The following TNRC6B variants were observed in gnomAD, a reference collection of about 807,000 sequenced individuals.
TNRC6B encodes trinucleotide repeat-containing gene 6B protein.
A neutral mutation model predicts 203.6 loss-of-function variants in TNRC6B; 52 were observed. The ratio of observed to expected loss-of-function variants is 0.26; its 90% CI spans 0.20 to 0.32. TNRC6B has a LOEUF of 0.32. TNRC6B is among the 10% of genes least tolerant of loss of function. The pLI is 1.00. For synonymous variants in TNRC6B, 838 were observed against 845.7 expected (o/e 0.99, Z 0.16); for missense variants, 1,923 against 2,286.2 (o/e 0.84, Z 3.24).
chr22:40,293,487 C>T (rs2070896733), intron 12 of TNRC6B, among the ~76,000 whole-genome samples: 1 of 151,982 alleles, frequency 6.6e-6, no homozygotes, highest in Non-Finnish European at 1.5e-5. Flanking sequence ...GCCACCGTGC[C>T]TGGCCTGCTA....
At chr22:40,296,866 G>A (rs1006262570) in intron 12 of TNRC6B, among the ~76,000 whole-genome samples, 1 of 152,158 alleles carries the variant, frequency 6.6e-6, no homozygotes, top group African/African-American at 2.4e-5. Context: ...GGCCTCAAGT[G>A]ATCTCCGCCC....
intron 1 of TNRC6B, among the ~76,000 whole-genome samples, chr22:40,181,749 G>A (rs900916356): frequency 2.0e-5 from 3 of 151,802 alleles, no homozygotes; most frequent in Non-Finnish European, 4.4e-5. Flanking sequence ...AGACCAGCCT[G>A]GGCAACATGG....
intron 1 of TNRC6B, among the ~76,000 whole-genome samples, chr22:40,241,833 G>C (rs2070032882): frequency 6.6e-6 from 1 of 152,098 alleles, no homozygotes; most frequent in South Asian, 2.1e-4. Flanking sequence ...GTATGAACTT[G>C]TGTTTTCCTA....
At chr22:40,283,394 C>T (rs1371741995) in intron 11 of TNRC6B, among the ~76,000 whole-genome samples, 1 of 152,038 alleles carries the variant, frequency 6.6e-6, no homozygotes, top group Non-Finnish European at 1.5e-5. Context: ...AGGTTGGTCT[C>T]GAACTCCTAG....
chr22:40,083,372 T>C (rs1264208941), intron 1 of TNRC6B, among the ~76,000 whole-genome samples: 2 of 152,144 alleles, frequency 1.3e-5, no homozygotes, highest in Non-Finnish European at 2.9e-5. Flanking sequence ...GAACTATTCA[T>C]TGGATTGGCA....
In TNRC6B at chr22:40,262,124, C is replaced by T. The variant is rs781599513; in HGVS notation, c.408C>T (p.Asn136=). 44 of 1,497,684 alleles carry T rather than the reference C, an allele frequency of 2.9e-5. No individual in the cohort carries two copies. The highest frequency in any genetic ancestry group is 5.5e-5 in the African/African-American group (4 of 73,218). The allele number at this position is 1,497,684 out of a possible 1,614,324, so 92.8% of individuals were successfully genotyped here. ...CAGCACCTGGAGCAAACCCAAACAA[C>T]GCACAAGTGACAGGAGCGCTGCTGC... ...PCTAPGANPN[N]AQVTGALLQS... is the part of the protein sequence containing the mutation. The change falls in exon 4 of 23, where the codon AAC becomes AAT. Residue 136 remains asparagine, a synonymous_variant. Coordinates refer to ENST00000454349, the MANE Select transcript of TNRC6B (RefSeq NM_001162501.2).
intron 1 of TNRC6B, among the ~76,000 whole-genome samples, chr22:40,223,090 T>A (rs559128821): frequency 6.6e-6 from 1 of 151,620 alleles, no homozygotes; most frequent in Admixed American, 6.6e-5. Flanking sequence ...TTTAAAAAGG[T>A]ATATAGTTGT....
rs1471385976 is a variant in TNRC6B, at chr22:40,287,437, T to G, written c.3708+1667T>G. On this transcript the variant is annotated intron_variant, in intron 12 of 22. Coordinates refer to ENST00000454349, the MANE Select transcript of TNRC6B (RefSeq NM_001162501.2). ...TCTTTCTTAGTGGGGGAGGTCAGGT[T>G]TCTCCACACCCCTTCCTTGCCTCCC... Among the ~76,000 whole-genome samples the G allele has an allele frequency of 4.6e-5, 7 of 152,308 alleles. No homozygotes were observed. The East Asian group carries it at 1.2e-3, about 25-fold the overall frequency.
In TNRC6B at chr22:40,328,033, T is replaced by A. The variant is rs557738868; in HGVS notation, c.*4792T>A. 1 of 152,274 alleles carries A rather than the reference T, an allele frequency of 6.6e-6. No homozygotes were observed. The highest frequency in any genetic ancestry group is 6.5e-5 in the Admixed American group (1 of 15,300). 9.4% of individuals were successfully genotyped at this position (152,274 alleles called of 1,614,324 possible). ...CCTCTGCTGTCAATTAGATCCAGTA[T>A]CATGACCTAACTTTAAGTGTGGAAA... On this transcript the variant is annotated 3_prime_UTR_variant, in exon 23 of 23. Coordinates refer to ENST00000454349, the MANE Select transcript of TNRC6B (RefSeq NM_001162501.2).
chr22:40,070,957 C>A lies in TNRC6B; in HGVS notation c.-121+25959C>A, dbSNP rs1364453275. Among the ~76,000 whole-genome samples, 5 of 152,246 alleles carry A rather than the reference C, an allele frequency of 3.3e-5. 1 individual carries two copies. The highest frequency in any genetic ancestry group is 3.3e-4 in the Admixed American group (5 of 15,290). The stretch of plus-strand genomic sequence containing the variant: ...TGTCAGTTCAGGTCAGACCTTGCCA[C>A]CAATTAAATTCCCATCAGGTTTCAC... On this transcript the variant is annotated intron_variant, in intron 1 of 23. Coordinates refer to the TNRC6B transcript ENST00000301923.
At chr22:40,273,705 C>T in intron 7 of TNRC6B, 105 bp downstream of exon 7, 2 of 1,296,208 alleles carry the variant, frequency 1.5e-6, no homozygotes, top group Non-Finnish European at 2.1e-6. Context: ...CCCTCTGTCA[C>T]CCAGACTGGA....
At chr22:40,106,435 A>G (rs2068284071) in intron 1 of TNRC6B, 2 of 863,212 alleles carry the variant, frequency 2.3e-6, no homozygotes, top group Non-Finnish European at 3.9e-6. Flanking sequence ...GATAATTTTA[A>G]GGGCCACAGG....
chr22:40,093,266 G>A (rs2146298596), intron 1 of TNRC6B, among the ~76,000 whole-genome samples: 1 of 152,282 alleles, frequency 6.6e-6, no homozygotes, highest in Non-Finnish European at 1.5e-5. Context: ...TAAAGAAATT[G>A]TCCACATAAA....
rs561495091 is a variant in TNRC6B, at chr22:40,149,625, G to A, written c.46-6490G>A. Among the ~76,000 whole-genome samples, 181 of 144,640 alleles carry A rather than the reference G, an allele frequency of 1.3e-3. 2 individuals are homozygous for A. The highest frequency in any genetic ancestry group is 2.3e-3 in the Non-Finnish European group (152 of 67,376). The allele number at this position is 144,640 out of a possible 152,430, so 94.9% of individuals were successfully genotyped here. ...GCGGAGGTTGCAGTGAGCCGAGATC[G>A]CGCCATTGCACTACAGCCTGGCAAC... On this transcript the variant is annotated intron_variant, in intron 3 of 23. Coordinates refer to the TNRC6B transcript ENST00000301923.
At chr22:40,317,728 C>T (rs987067366) in intron 21 of TNRC6B, among the ~76,000 whole-genome samples, 8 of 152,182 alleles carry the variant, frequency 5.3e-5, no homozygotes, top group Admixed American at 2.0e-4. Flanking sequence ...AGCCACTCTG[C>T]CTTTCACCTT....
chr22:40,060,422 A>G (rs1009778176), intron 1 of TNRC6B, among the ~76,000 whole-genome samples: 4 of 152,112 alleles, frequency 2.6e-5, no homozygotes, highest in Middle Eastern at 3.2e-3. Flanking sequence ...GATTACGGGC[A>G]TGAGCCACCA....
At chr22:40,075,156 A>ATATATTTTTTTTT in intron 1 of TNRC6B, among the ~76,000 whole-genome samples, 2 of 35,568 alleles carry the variant, frequency 5.6e-5, no homozygotes, top group Non-Finnish European at 1.0e-4. Flanking sequence ...ATATATATAT[A>ATATATTTTTTTTT]TTTTTTTTTT....
At chr22:40,072,174 GTGTC>G (rs1385561526) in intron 1 of TNRC6B, among the ~76,000 whole-genome samples, 1 of 152,202 alleles carries the variant, frequency 6.6e-6, no homozygotes, top group African/African-American at 2.4e-5. Flanking sequence ...CAGATTGAAA[GTGTC>G]TGAGTATTAT....
chr22:40,147,500 CA>C (rs1464950536), intron 3 of TNRC6B, among the ~76,000 whole-genome samples: 1 of 152,176 alleles, frequency 6.6e-6, no homozygotes, highest in Non-Finnish European at 1.5e-5. Flanking sequence ...AAGATCAAGG[CA>C]CCAGTAGATC....
Sources: gnomAD v4.1 joint callset for allele counts (sites outside exome capture counted in the v4.1 genomes callset) on GRCh38, gnomAD v4.1.1 for gene constraint, MANE v1.5 for transcripts, NCBI Gene and HGNC (gene_info 2026-07-23, HGNC 2026-07-21) for gene names.